PTPRG: variants seen among roughly 807,000 people sequenced by gnomAD.
PTPRG encodes the protein protein tyrosine phosphatase receptor type G.
PTPRG carries 102 observed loss-of-function variants against 165.3 expected under a neutral mutation model. The observed-to-expected ratio is 0.62, with a 90% CI of 0.53 to 0.73. The LOEUF (loss-of-function observed/expected upper bound fraction) is 0.73. PTPRG is among the 30% of genes least tolerant of loss of function. The probability of loss-of-function intolerance (pLI) is 0.00; values close to 1 mark genes in which losing one functional copy is unlikely to be tolerated. For missense variants in PTPRG, 1,866 were observed against 1,861.4 expected (o/e 1.00, Z -0.05); for synonymous variants, 675 against 669.5 (o/e 1.01, Z -0.13).
At chr3:61,974,563 T>A (rs74989032) in intron 2 of PTPRG, among the ~76,000 whole-genome samples, 22 of 51,020 alleles carry the variant, frequency 4.3e-4, no homozygotes, top group African/African-American at 1.7e-3. Flanking sequence ...AAAAAAAAAA[T>A]TTTTTTTTAA....
chr3:62,157,306 A>G, intron 7 of PTPRG, 82 bp downstream of exon 7: 1 of 1,403,916 alleles, frequency 7.1e-7, no homozygotes, highest in Non-Finnish European at 9.8e-7. Context: ...AGAGTATACC[A>G]CTAAGGAATT....
At chr3:62,044,798 C>T (rs999435452) in intron 4 of PTPRG, among the ~76,000 whole-genome samples, 2 of 152,104 alleles carry the variant, frequency 1.3e-5, no homozygotes, top group African/African-American at 4.8e-5. Flanking sequence ...CTCTTTTCAC[C>T]CATTGGAATT....
At chr3:61,580,855 C>A (rs1356295351) in intron 1 of PTPRG, among the ~76,000 whole-genome samples, 1 of 152,144 alleles carries the variant, frequency 6.6e-6, no homozygotes, top group East Asian at 1.9e-4. Context: ...TATAATTATA[C>A]CCTTGGTCTG....
intron 2 of PTPRG, among the ~76,000 whole-genome samples, chr3:61,937,499 C>T (rs2039509457): frequency 1.3e-5 from 2 of 152,144 alleles, no homozygotes; most frequent in South Asian, 4.1e-4. Context: ...TTGAAATACC[C>T]TTCATTGAGG....
intron 1 of PTPRG, among the ~76,000 whole-genome samples, chr3:61,720,764 T>C (rs2032011839): frequency 6.6e-6 from 1 of 152,208 alleles, no homozygotes; most frequent in African/African-American, 2.4e-5. Flanking sequence ...ATTTCTGATG[T>C]AGCTAGATTT....
intron 8 of PTPRG, among the ~76,000 whole-genome samples, chr3:62,168,953 A>G (rs1479469749): frequency 6.6e-6 from 1 of 152,042 alleles, no homozygotes; most frequent in Non-Finnish European, 1.5e-5. Flanking sequence ...TGAGAAGATG[A>G]TGGAGTTCGG....
chr3:62,034,293 A>G (rs1317367144), intron 4 of PTPRG, among the ~76,000 whole-genome samples: 5 of 152,222 alleles, frequency 3.3e-5, no homozygotes, highest in Non-Finnish European at 5.9e-5. Context: ...GTTCAAACTC[A>G]TGTTATTAAA....
chr3:62,149,537 T>TG lies in PTPRG; in HGVS notation c.683-7527dup, dbSNP rs538305875. Among the ~76,000 whole-genome samples the TG allele has an allele frequency of 5.8e-4, 89 of 152,316 alleles. 2 individuals are homozygous for TG. In the South Asian group the frequency reaches 0.018, roughly 30 times the overall value. On this transcript the variant is annotated intron_variant, in intron 6 of 29. Coordinates refer to ENST00000474889, the MANE Select transcript of PTPRG (RefSeq NM_002841.4). ...CCCACCTTGGCCTCCCCCAAAGTAC[T>TG]GGGAATACAGGCATGAGCCACTGCG...
chr3:62,019,930 CTA>C (rs762238049), intron 4 of PTPRG, among the ~76,000 whole-genome samples: 113 of 152,022 alleles, frequency 7.4e-4, no homozygotes, highest in Non-Finnish European at 1.3e-3. Context: ...ACCTCTATCT[CTA>C]TTTTTCAGAT....
At chr3:61,856,954 C>G (rs1222673721) in intron 2 of PTPRG, among the ~76,000 whole-genome samples, 1 of 152,172 alleles carries the variant, frequency 6.6e-6, no homozygotes, top group East Asian at 1.9e-4. Context: ...AAGCTGATGA[C>G]TTTCAAGTCT....
chr3:61,951,710 T>C (rs1380158287), intron 2 of PTPRG, among the ~76,000 whole-genome samples: 1 of 152,218 alleles, frequency 6.6e-6, no homozygotes, highest in Non-Finnish European at 1.5e-5. Context: ...ACAATTGACT[T>C]CTACTGTTTT....
chr3:61,629,387 C>T (rs1257282139), intron 1 of PTPRG, among the ~76,000 whole-genome samples: 1 of 152,110 alleles, frequency 6.6e-6, no homozygotes, highest in Non-Finnish European at 1.5e-5. Context: ...AACTCCTGAC[C>T]TTGTGATCCG....
chr3:61,996,602 G>A (rs1403423384), intron 3 of PTPRG, among the ~76,000 whole-genome samples: 1 of 152,210 alleles, frequency 6.6e-6, no homozygotes, highest in Non-Finnish European at 1.5e-5. Flanking sequence ...CAGTGTCTTT[G>A]TAGTACCCTG....
chr3:61,837,745 G>A (rs1319966621), intron 2 of PTPRG, among the ~76,000 whole-genome samples: 2 of 152,210 alleles, frequency 1.3e-5, no homozygotes, highest in Non-Finnish European at 2.9e-5. Context: ...GAAACCAGAT[G>A]TATTAGTCCA....
rs112880640 is a variant in PTPRG at position 61,829,240 on chromosome 3, G to T, written c.190+80258G>T. Among the ~76,000 whole-genome samples, 741 of 152,326 alleles carry T rather than the reference G, an allele frequency of 4.9e-3. 4 individuals carry two copies. The highest frequency in any genetic ancestry group is 0.017 in the African/African-American group (716 of 41,580). On this transcript the variant is annotated intron_variant, in intron 2 of 29. Transcript: ENST00000474889. ...CACTAAATAATATTGAGAGAGCCTC[G>T]CTGAGCCCTCCACAAATAGTACATT...
chr3:62,062,235 G>GTTA (rs748944374), intron 4 of PTPRG, among the ~76,000 whole-genome samples: 1 of 151,768 alleles, frequency 6.6e-6, no homozygotes, highest in South Asian at 2.1e-4. Context: ...GGAGGTGGAG[G>GTTA]TTGCTGTGAG....
At chr3:61,775,545 T>G (rs1399516885) in intron 2 of PTPRG, among the ~76,000 whole-genome samples, 4 of 152,178 alleles carry the variant, frequency 2.6e-5, no homozygotes, top group Non-Finnish European at 5.9e-5. Context: ...TTTGATAATT[T>G]AGTCGATATT....
At chr3:61,767,183 G>T (rs1298002493) in intron 2 of PTPRG, among the ~76,000 whole-genome samples, 1 of 136,458 alleles carries the variant, frequency 7.3e-6, no homozygotes, top group Non-Finnish European at 1.5e-5. Flanking sequence ...GACAGAGGTT[G>T]CAGTGAGCCG....
At chr3:61,751,741 A>G (rs2033437308) in intron 2 of PTPRG, among the ~76,000 whole-genome samples, 1 of 152,220 alleles carries the variant, frequency 6.6e-6, no homozygotes, top group Non-Finnish European at 1.5e-5. Flanking sequence ...CTGTAATCCC[A>G]GCACTTTGGG....
Sources: allele counts gnomAD v4.1 joint callset (sites outside exome capture counted in the v4.1 genomes callset), GRCh38; gene constraint gnomAD v4.1.1; transcripts MANE v1.5; gene names NCBI Gene and HGNC (gene_info 2026-07-23, HGNC 2026-07-21).